Variants in LIMA1 observed in about 807,000 individuals in gnomAD.
LIMA1 encodes the protein LIM domain and actin binding 1.
In LIMA1, 52 loss-of-function variants were observed where a neutral mutation model predicts 62.6. The ratio of observed to expected loss-of-function variants is 0.83; its 90% CI spans 0.67 to 1.05. The LOEUF (loss-of-function observed/expected upper bound fraction) is 1.05, where lower values mean the gene tolerates loss of function less well. Ranked by LOEUF, LIMA1 falls within the 50% of genes least tolerant of loss-of-function variation. The probability of loss-of-function intolerance (pLI) is 0.00; values close to 1 mark genes in which losing one functional copy is unlikely to be tolerated. For missense variants in LIMA1, 780 were observed against 902.2 expected (o/e 0.86, Z 1.74); for synonymous variants, 302 against 317.8 (o/e 0.95, Z 0.53).
intron 1 of LIMA1, among the ~76,000 whole-genome samples, chr12:50,255,685 A>G (rs1941987195): frequency 6.6e-6 from 1 of 151,668 alleles, no homozygotes; most frequent in Non-Finnish European, 1.5e-5. Context: ...TCTCTTCCCA[A>G]TTTGAATGTC....
intron 2 of LIMA1, among the ~76,000 whole-genome samples, chr12:50,239,532 T>C (rs1273432767): frequency 7.2e-5 from 11 of 152,108 alleles, no homozygotes; most frequent in Non-Finnish European, 1.5e-5. Flanking sequence ...TTTCAGCTAC[T>C]CGGAGACTGA....
Position 50,195,891 on chromosome 12 carries a change from CAAAAAA to C in LIMA1, c.973-10_973-5del, listed in dbSNP as rs373254884. On this transcript the variant is annotated splice_polypyrimidine_tract_variant and splice_region_variant and intron_variant, in intron 7 of 10. Transcript: ENST00000341247. Reference sequence around the variant, plus strand: ...GGCTATTCTCATTTGCAGAAATCTACAAAAAAAAAAAAAAAAAAAAAGTTAGAGGGG... The same window carrying C: ...GGCTATTCTCATTTGCAGAAATCTACAAAAAAAAAAAAAAAGTTAGAGGGG... The C allele has an allele frequency of 2.8e-5, 31 of 1,098,544 alleles. No homozygotes were observed. The highest frequency in any genetic ancestry group is 1.7e-4 in the Admixed American group (3 of 17,552). 68.0% of individuals were successfully genotyped at this position (1,098,544 alleles called of 1,614,324 possible). A position where few individuals can be genotyped will look rare whatever the true frequency, so the allele number is the denominator to read the frequency against.
In LIMA1 at chr12:50,222,266, T is replaced by G. The variant is rs375473793; in HGVS notation, c.385A>C (p.Arg129=). ...DQEEQIHPRS[R]LRSPPEALVQ... is the part of the protein sequence containing the mutation. ...AGGGCTTCAGGAGGTGACCTGAGTC[T>G]AGATCTGGGGTGGATTTGTTCTTCT... Residue 129 remains arginine (R), a synonymous_variant, in exon 4 of 11, where the codon AGA becomes CGA. Transcript: ENST00000341247. 2.2e-5 allele frequency: 35 copies of G among 1,614,072 alleles called. No individual in the cohort carries two copies. In the African/African-American group the frequency reaches 3.3e-4, roughly 15 times the overall value.
At chr12:50,198,653 G>A (rs1421613983) in intron 7 of LIMA1, among the ~76,000 whole-genome samples, 1 of 152,132 alleles carries the variant, frequency 6.6e-6, no homozygotes, top group African/African-American at 2.4e-5. Flanking sequence ...GGCGTCAAGG[G>A]TGTCAATAAG....
chr12:50,259,109 A>C (rs1011686518), intron 1 of LIMA1, among the ~76,000 whole-genome samples: 31 of 152,106 alleles, frequency 2.0e-4, no homozygotes, highest in African/African-American at 7.0e-4. Flanking sequence ...CAGATCTAGA[A>C]TCTCTAAAAT....
intron 10 of LIMA1, among the ~76,000 whole-genome samples, chr12:50,179,580 G>A (rs1940445787): frequency 6.7e-6 from 1 of 149,212 alleles, no homozygotes. Context: ...TGGGACTACA[G>A]GCACTCGCCA....
intron 2 of LIMA1, among the ~76,000 whole-genome samples, chr12:50,241,551 G>C (rs780490802): frequency 1.3e-5 from 2 of 152,084 alleles, no homozygotes; most frequent in Non-Finnish European, 2.9e-5. Context: ...TGTAAGACCA[G>C]GTGTATACAC....
chr12:50,260,909 G>A (rs1163241835), intron 1 of LIMA1, among the ~76,000 whole-genome samples: 1 of 134,774 alleles, frequency 7.4e-6, no homozygotes, highest in Admixed American at 7.6e-5. Flanking sequence ...AGTGATCTTG[G>A]GCAAGTTTAA....
At chr12:50,217,739 T>C (rs1025842233) in intron 4 of LIMA1, 8 of 321,478 alleles carry the variant, frequency 2.5e-5, no homozygotes, top group African/African-American at 1.3e-4. Context: ...GTGGGCTTCA[T>C]GACCTTGATT....
intron 8 of LIMA1, among the ~76,000 whole-genome samples, chr12:50,193,997 A>AT (rs1445595389): frequency 3.6e-4 from 51 of 140,362 alleles, no homozygotes; most frequent in African/African-American, 9.5e-4. Flanking sequence ...ATATATATAT[A>AT]TTTTTTTTGA....
rs1029126053 is a variant in LIMA1, at chr12:50,183,334, G to A, written c.1141-1297C>T. Reference sequence around the variant, plus strand: ...AACACCTCAACCAGTAGATGCGGGAGACAGCTTAGGTGGCCAGGAAGCTCT... The same window carrying A: ...AACACCTCAACCAGTAGATGCGGGAAACAGCTTAGGTGGCCAGGAAGCTCT... On this transcript the variant is annotated intron_variant, in intron 9 of 10. Transcript: ENST00000341247. Among the ~76,000 whole-genome samples the A allele has an allele frequency of 3.5e-4, 53 of 152,302 alleles. 1 individual carries two copies. The highest frequency in any genetic ancestry group is 4.1e-4 in the South Asian group (2 of 4,832).
At chr12:50,185,239 T>C (rs1316390240) in intron 9 of LIMA1, among the ~76,000 whole-genome samples, 2 of 152,076 alleles carry the variant, frequency 1.3e-5, no homozygotes, top group Admixed American at 1.3e-4. Flanking sequence ...TAAGAGGAGA[T>C]GGATACTGTT....
chr12:50,255,318 G>A (rs1592558525), intron 1 of LIMA1, among the ~76,000 whole-genome samples: 1 of 151,910 alleles, frequency 6.6e-6, no homozygotes, highest in East Asian at 1.9e-4. Context: ...ACTTTGGGAG[G>A]CCGAGGCAGG....
chr12:50,220,136 C>A (rs1357555745), intron 4 of LIMA1, among the ~76,000 whole-genome samples: 1 of 152,122 alleles, frequency 6.6e-6, no homozygotes, highest in African/African-American at 2.4e-5. Flanking sequence ...TCTCGGCTCA[C>A]TGCATCCTCC....
intron 1 of LIMA1, among the ~76,000 whole-genome samples, chr12:50,281,369 T>A (rs1315631847): frequency 6.6e-6 from 1 of 152,188 alleles, no homozygotes; most frequent in Non-Finnish European, 1.5e-5. Flanking sequence ...TTTGAGGGCA[T>A]CTTAGCAGGA....
chr12:50,205,568 G>A (rs753777801), intron 5 of LIMA1, among the ~76,000 whole-genome samples: 4 of 151,762 alleles, frequency 2.6e-5, no homozygotes, highest in Non-Finnish European at 5.9e-5. Flanking sequence ...GGTAATACAG[G>A]GTAACCAAAC....
intron 1 of LIMA1, among the ~76,000 whole-genome samples, chr12:50,273,402 C>T (rs1942239332): frequency 6.6e-6 from 1 of 152,282 alleles, no homozygotes; most frequent in South Asian, 2.1e-4. Context: ...AAGATCATCA[C>T]TGTCTTTGGG....
chr12:50,195,921 G>A (rs753033815), intron 7 of LIMA1, 34 bp from the exon 8 acceptor site: 2 of 1,530,878 alleles, frequency 1.3e-6, no homozygotes, highest in African/African-American at 2.8e-5. Context: ...AAGTTAGAGG[G>A]GGATTAAGAG....
intron 1 of LIMA1, among the ~76,000 whole-genome samples, chr12:50,264,777 A>G (rs138312715): frequency 1.3e-5 from 2 of 152,352 alleles, no homozygotes; most frequent in African/African-American, 4.8e-5. Flanking sequence ...AAAGGTTCAG[A>G]TACTAGAACT....
Sources: gnomAD v4.1 joint callset for allele counts (sites outside exome capture counted in the v4.1 genomes callset) on GRCh38, gnomAD v4.1.1 for gene constraint, MANE v1.5 for transcripts, NCBI Gene and HGNC (gene_info 2026-07-23, HGNC 2026-07-21) for gene names.